SLC4A4: variants seen among roughly 807,000 people sequenced by gnomAD.
The protein encoded by SLC4A4 is solute carrier family 4 member 4.
A neutral mutation model predicts 111.5 loss-of-function variants in SLC4A4; 27 were observed. The ratio of observed to expected loss-of-function variants is 0.24; its 90% confidence interval spans 0.18 to 0.33. SLC4A4 has a LOEUF of 0.33. Ranked by LOEUF, SLC4A4 falls within the 10% of genes least tolerant of loss-of-function variation. The pLI is 1.00. For synonymous variants in SLC4A4, 443 were observed against 463.4 expected (o/e 0.96, Z 0.57); for missense variants, 909 against 1,315.5 (o/e 0.69, Z 4.78).
chr4:71,384,769 T>C (rs547382807), intron 6 of SLC4A4, among the ~76,000 whole-genome samples: 2 of 152,270 alleles, frequency 1.3e-5, no homozygotes, highest in South Asian at 4.1e-4. Flanking sequence ...GTCTCTATTT[T>C]TTATAATTTG....
intron 2 of SLC4A4, among the ~76,000 whole-genome samples, chr4:71,148,693 C>T (rs1388022292): frequency 6.6e-6 from 1 of 152,258 alleles, no homozygotes; most frequent in East Asian, 1.9e-4. Flanking sequence ...ATAATGGCCT[C>T]CAGCTCCATC....
At chr4:71,159,209 T>A (rs541047246) in intron 2 of SLC4A4, among the ~76,000 whole-genome samples, 1 of 152,308 alleles carries the variant, frequency 6.6e-6, no homozygotes, top group East Asian at 1.9e-4. Flanking sequence ...AACATTGCAT[T>A]GTGGATAGCT....
intron 1 of SLC4A4, among the ~76,000 whole-genome samples, chr4:71,188,756 A>G (rs1745604904): frequency 6.6e-6 from 1 of 152,062 alleles, no homozygotes; most frequent in Non-Finnish European, 1.5e-5. Flanking sequence ...TTCTGACTAC[A>G]GCTCTCTTTC....
Position 71,220,579 on chromosome 4 carries a change from C to T in SLC4A4, c.-1-15997C>T, listed in dbSNP as rs1054391465. 6.6e-5 allele frequency among the ~76,000 whole-genome samples: 10 copies of T among 152,228 alleles called. No homozygotes were observed. In the South Asian group the frequency reaches 1.0e-3, roughly 16 times the overall value. On this transcript the variant is annotated intron_variant, in intron 1 of 25. Transcript: ENST00000264485. ...TTAATATCCAAGCTTTCTTGATTGT[C>T]TCAAAATAGTTTTTTAAACAGTTGA...
intron 2 of SLC4A4, among the ~76,000 whole-genome samples, chr4:71,141,132 A>C (rs771528605): frequency 2.0e-5 from 3 of 152,200 alleles, no homozygotes; most frequent in Admixed American, 6.5e-5. Context: ...TTTCTGTCTG[A>C]GATTTTGTAC....
intron 11 of SLC4A4, among the ~76,000 whole-genome samples, chr4:71,453,185 C>G (rs1297285544): frequency 6.6e-6 from 1 of 152,232 alleles, no homozygotes; most frequent in African/African-American, 2.4e-5. Flanking sequence ...ATATGATCTG[C>G]TTGCATATTA....
At chr4:71,312,537 A>G (rs1726289044) in intron 3 of SLC4A4, among the ~76,000 whole-genome samples, 1 of 152,220 alleles carries the variant, frequency 6.6e-6, no homozygotes, top group South Asian at 2.1e-4. Flanking sequence ...AATACTGGCA[A>G]ACCAAATCAA....
At chr4:71,543,507 C>G (rs1578153641) in intron 18 of SLC4A4, among the ~76,000 whole-genome samples, 1 of 152,152 alleles carries the variant, frequency 6.6e-6, no homozygotes, top group South Asian at 2.1e-4. Flanking sequence ...ATATAGTTAC[C>G]TTTATAGTCC....
intron 16 of SLC4A4, among the ~76,000 whole-genome samples, chr4:71,515,712 T>C (rs994238209): frequency 9.2e-5 from 14 of 152,318 alleles, no homozygotes; most frequent in African/African-American, 3.1e-4. Flanking sequence ...GTTGCTTTAT[T>C]TCATATAAAA....
intron 1 of SLC4A4, among the ~76,000 whole-genome samples, chr4:71,225,370 T>C (rs965200931): frequency 6.6e-6 from 1 of 151,514 alleles, no homozygotes; most frequent in Non-Finnish European, 1.5e-5. Context: ...AAAAAGATAA[T>C]GAAAGTCCCT....
At chr4:71,241,809 G>C (rs1319776566) in intron 2 of SLC4A4, among the ~76,000 whole-genome samples, 51 of 152,176 alleles carry the variant, frequency 3.4e-4, no homozygotes, top group Admixed American at 3.3e-3. Context: ...AATACAGTGA[G>C]GTTTTTAAAA....
chr4:71,305,164 A>G (rs58831776), intron 3 of SLC4A4, among the ~76,000 whole-genome samples: 3,105 of 152,324 alleles, frequency 0.02, 122 homozygotes, highest in African/African-American at 0.071. Flanking sequence ...AATTTTTCCA[A>G]GGTCACATAA....
At chr4:71,548,145 C>T (rs1022493565) in intron 20 of SLC4A4, among the ~76,000 whole-genome samples, 1 of 151,848 alleles carries the variant, frequency 6.6e-6, no homozygotes, top group Non-Finnish European at 1.5e-5. Flanking sequence ...TCCTAAATAA[C>T]ATGAGTGATG....
At chr4:71,513,631 C>T (rs1201369143) in intron 16 of SLC4A4, among the ~76,000 whole-genome samples, 5 of 152,058 alleles carry the variant, frequency 3.3e-5, no homozygotes, top group Admixed American at 2.6e-4. Context: ...CTTTCTCTTA[C>T]CTGGTTGCTT....
At chr4:71,395,565 A>C (rs1339993164) in intron 6 of SLC4A4, among the ~76,000 whole-genome samples, 1 of 152,170 alleles carries the variant, frequency 6.6e-6, no homozygotes, top group Non-Finnish European at 1.5e-5. Context: ...GACGGTATAT[A>C]AGGTTTCTTG....
chr4:71,554,470 A>G (rs1344388596), intron 20 of SLC4A4, among the ~76,000 whole-genome samples: 1 of 151,860 alleles, frequency 6.6e-6, no homozygotes, highest in East Asian at 1.9e-4. Flanking sequence ...CTTTGTATTA[A>G]TATAAAATAT....
chr4:71,453,190 A>G (rs1347949422), intron 11 of SLC4A4, among the ~76,000 whole-genome samples: 1 of 152,176 alleles, frequency 6.6e-6, no homozygotes, highest in African/African-American at 2.4e-5. Flanking sequence ...ATCTGCTTGC[A>G]TATTAGGACG....
chr4:71,341,846 C>A (rs1728926357), intron 4 of SLC4A4, among the ~76,000 whole-genome samples: 1 of 151,778 alleles, frequency 6.6e-6, no homozygotes, highest in African/African-American at 2.4e-5. Flanking sequence ...GCAGAAAAAA[C>A]TGCTTTAAAA....
At chr4:71,132,373 G>A (rs372312970) in intron 2 of SLC4A4, among the ~76,000 whole-genome samples, 44 of 152,250 alleles carry the variant, frequency 2.9e-4, no homozygotes, top group African/African-American at 1.1e-3. Flanking sequence ...AAATTATCTT[G>A]AAGCATGTTC....
Sources: allele counts gnomAD v4.1 joint callset (sites outside exome capture counted in the v4.1 genomes callset), GRCh38; gene constraint gnomAD v4.1.1; transcripts MANE v1.5; gene names NCBI Gene and HGNC (gene_info 2026-07-23, HGNC 2026-07-21).